KIF13A: variants seen among roughly 807,000 people sequenced by gnomAD.
KIF13A encodes kinesin family member 13A, also known as kinesin-like protein KIF13A.
Under a neutral mutation model 212.2 loss-of-function variants are expected in KIF13A, and 79 were observed. The ratio of observed to expected loss-of-function variants is 0.37; its 90% CI spans 0.31 to 0.45. The LOEUF is 0.45. Among genes scored for constraint, KIF13A ranks in the 20% least tolerant of loss-of-function variants. KIF13A has a pLI of 1.00. For missense variants in KIF13A, 1,901 were observed against 2,209.0 expected, an observed-to-expected ratio of 0.86 and a Z score of 2.79; for synonymous variants, 789 against 808.6, an observed-to-expected ratio of 0.98 and a Z score of 0.41.
intron 2 of KIF13A, among the ~76,000 whole-genome samples, chr6:17,976,242 C>G (rs959712304): frequency 6.6e-6 from 1 of 152,216 alleles, no homozygotes; most frequent in African/African-American, 2.4e-5. Context: ...AAGGGGCCGG[C>G]GCTCGTCAGG....
chr6:17,985,653 C>G (rs1471718956), intron 2 of KIF13A, among the ~76,000 whole-genome samples: 1 of 131,324 alleles, frequency 7.6e-6, no homozygotes, highest in Non-Finnish European at 1.6e-5. Flanking sequence ...GGGGAGGGGA[C>G]ATTCGTTGGT....
rs1763197203 is a variant in KIF13A, at chr6:17,808,832, C to T, written c.2099G>A (p.Ser700Asn). Residue 700 changes from serine (S) to asparagine (N), a missense_variant, in exon 18 of 39, where the codon AGC (serine) becomes AAC (asparagine). Physicochemically the swap from Ser to Asn is conservative, Grantham distance 46. Around this residue, in one of 5 missense-constraint regions of KIF13A, gnomAD observed 534 missense variants for 536.9 expected, o/e 0.99. Coordinates refer to ENST00000259711, the MANE Select transcript of KIF13A (RefSeq NM_022113.6). ...REANFLAEEM[S>N]KLTDYQVTLQ... Reference sequence around the variant, plus strand: ...AGTCACTTGGTAATCGGTGAGTTTGCTCATTTCCTCAGCCAGGAAGTTTGC... The same window carrying T: ...AGTCACTTGGTAATCGGTGAGTTTGTTCATTTCCTCAGCCAGGAAGTTTGC... The T allele has an allele frequency of 5.0e-6, 8 of 1,613,862 alleles. No homozygotes were observed. The highest frequency in any genetic ancestry group is 6.8e-6 in the Non-Finnish European group (8 of 1,179,848).
chr6:17,785,633 C>T lies in KIF13A; in HGVS notation c.3370G>A (p.Glu1124Lys), dbSNP rs1309161633. 1.9e-6 allele frequency: 3 copies of T among 1,603,802 alleles called. No homozygotes were observed. Among genetic ancestry groups the T allele is most frequent in the Non-Finnish European group, 2.6e-6 (3 of 1,175,350 alleles). ...KKVSNKTEKTEDDVEREAQLV... is the reference protein window; with the variant it reads ...KKVSNKTEKTKDDVEREAQLV... ...TGGGCTTCCCGCTCCACATCGTCCT[C>T]TGTTTTCTCTGCAGAAAAAAATGAG... Residue 1124 changes from glutamate (E) to lysine (K), a missense_variant, in exon 28 of 39, where the codon GAG becomes AAG. By Grantham distance (56) the Glu-to-Lys change is moderately conservative. This residue lies in a region of KIF13A where 168 missense variants were observed against 250.9 expected (regional missense o/e 0.67). Transcript: ENST00000259711. The surrounding 1 kb of genome is among the most constrained non-coding windows in gnomAD (Gnocchi z 5.8).
At chr6:17,901,033 G>A (rs566022768) in intron 2 of KIF13A, among the ~76,000 whole-genome samples, 22 of 144,780 alleles carry the variant, frequency 1.5e-4, no homozygotes, top group Non-Finnish European at 2.8e-4. Flanking sequence ...AGCCAAGATC[G>A]TGCCACTGCA....
At chr6:17,887,279 C>T (rs1361112526) in intron 3 of KIF13A, among the ~76,000 whole-genome samples, 6 of 152,150 alleles carry the variant, frequency 3.9e-5, no homozygotes, top group African/African-American at 1.4e-4. Flanking sequence ...CACAGGGAAC[C>T]TCGGCTGACA....
intron 2 of KIF13A, chr6:17,950,793 A>G: frequency 1.0e-6 from 1 of 978,350 alleles, no homozygotes. Context: ...CTAATTACTA[A>G]AGGACTTTTA....
At chr6:17,760,801 G>A (rs1158284391), downstream of KIF13A, 8 of 1,584,766 alleles carry the variant, frequency 5.0e-6, no homozygotes, top group Non-Finnish European at 6.9e-6. Flanking sequence ...CTTGCCCAAG[G>A]TGACCAGGCG....
At position 17,769,880 on chromosome 6, in the gene KIF13A, C is replaced by T. The variant is rs41384449; in HGVS notation, c.4581+1234G>A. The stretch of plus-strand genomic sequence containing the variant: ...AGATGAAGGAGCAGCTATTAATGTG[C>T]GGATTCTTCTCCATCAGGAACTAGG... On this transcript the variant is annotated intron_variant, in intron 38 of 38. Coordinates refer to ENST00000259711, the MANE Select transcript of KIF13A (RefSeq NM_022113.6). The surrounding 1 kb of genome is among the most constrained non-coding windows in gnomAD (Gnocchi z 5.8). 0.056 allele frequency among the ~76,000 whole-genome samples: 8,519 copies of T among 152,054 alleles called. 309 individuals are homozygous for T. The highest frequency in any genetic ancestry group is 0.089 in the Middle Eastern group (26 of 292).
At chr6:17,903,188 AAC>A (rs1018396766) in intron 2 of KIF13A, among the ~76,000 whole-genome samples, 49 of 152,226 alleles carry the variant, frequency 3.2e-4, no homozygotes, top group African/African-American at 1.1e-3. Context: ...AATGCTGCTG[AAC>A]ACAGTTAAAT....
At chr6:17,808,694 G>A in intron 18 of KIF13A, 74 bp downstream of exon 18, 1 of 1,406,142 alleles carries the variant, frequency 7.1e-7, no homozygotes, top group Non-Finnish European at 9.6e-7. Flanking sequence ...TGTTTCTGGG[G>A]TTTCAGTTTT....
intron 2 of KIF13A, among the ~76,000 whole-genome samples, chr6:17,964,287 C>T (rs1258528865): frequency 6.6e-6 from 1 of 152,104 alleles, no homozygotes; most frequent in African/African-American, 2.4e-5. Flanking sequence ...AAACAAACAC[C>T]CTTGAAAAAT....
In KIF13A at chr6:17,883,080, C is replaced by T. The variant is rs1771226717; in HGVS notation, c.160-9643G>A. On this transcript the variant is annotated intron_variant, in intron 3 of 38. Transcript: ENST00000259711. This position sits in a 1 kb window ranked among gnomAD's most constrained non-coding sequence, Gnocchi z 4.8. The stretch of plus-strand genomic sequence containing the variant: ...AATTTACATTTTAAAGCAACTTTTG[C>T]TGGGTATGGTGGCTCATGCCTATAA... 6.6e-6 allele frequency among the ~76,000 whole-genome samples: 1 copy of T among 152,168 alleles called. No individual in the cohort carries two copies. Among genetic ancestry groups the T allele is most frequent in the Non-Finnish European group, 1.5e-5 (1 of 68,032 alleles).
intron 2 of KIF13A, among the ~76,000 whole-genome samples, chr6:17,927,886 G>C (rs1263200910): frequency 6.6e-6 from 1 of 152,156 alleles, no homozygotes; most frequent in Non-Finnish European, 1.5e-5. Flanking sequence ...TGCAGCACCA[G>C]AGCAGCACCC....
intron 2 of KIF13A, among the ~76,000 whole-genome samples, chr6:17,920,291 C>T (rs1442160253): frequency 6.6e-6 from 1 of 152,170 alleles, no homozygotes; most frequent in Non-Finnish European, 1.5e-5. Flanking sequence ...GCATCTTCAC[C>T]TTCACTTCTC....
In KIF13A at chr6:17,799,893, TAAAATGG is replaced by T; in HGVS notation, c.2616+52_2616+58del. ...TGAAAAACTCTCATAAGATTTTTTG[TAAAATGG>T]TTTTGCATGAAAAAGGTCATTTATA... On this transcript the variant is annotated intron_variant, in intron 21 of 38. Transcript: ENST00000259711. The surrounding 1 kb of genome is among the most constrained non-coding windows in gnomAD (Gnocchi z 4.4). 6.4e-7 allele frequency: 1 copy of T among 1,557,694 alleles called. No homozygotes were observed. Among genetic ancestry groups the T allele is most frequent in the Admixed American group, 1.9e-5 (1 of 51,798 alleles).
intron 2 of KIF13A, among the ~76,000 whole-genome samples, chr6:17,969,712 T>TGGCATC (rs1247793662): frequency 6.6e-6 from 1 of 152,222 alleles, no homozygotes; most frequent in African/African-American, 2.4e-5. Flanking sequence ...TCTGGTTCTC[T>TGGCATC]GGCATCCCTT....
downstream of KIF13A, chr6:17,759,433 A>T (rs1359248858): frequency 3.9e-5 from 6 of 152,194 alleles, no homozygotes; most frequent in Non-Finnish European, 8.8e-5. Flanking sequence ...GCAGCTTTTC[A>T]TTAAGGTTTC....
rs1761885210 is a variant in KIF13A at position 17,794,728 on chromosome 6, C to T, written c.2943-24G>A. On this transcript the variant is annotated intron_variant, in intron 23 of 38. Coordinates refer to ENST00000259711, the MANE Select transcript of KIF13A (RefSeq NM_022113.6). This position sits in a 1 kb window ranked among gnomAD's most constrained non-coding sequence, Gnocchi z 4.1. ...ACCTGCAGAAACACATTCCAACAAGCAAGAGCGTCATCGTCCAGGGATACT... is the reference window on the plus strand; with the variant it reads ...ACCTGCAGAAACACATTCCAACAAGTAAGAGCGTCATCGTCCAGGGATACT... The T allele has an allele frequency of 6.3e-7, 1 of 1,598,548 alleles. No homozygotes were observed. Among genetic ancestry groups the T allele is most frequent in the South Asian group, 1.1e-5 (1 of 87,980 alleles).
intron 4 of KIF13A, among the ~76,000 whole-genome samples, chr6:17,865,889 A>T (rs1257534957): frequency 6.6e-6 from 1 of 152,218 alleles, no homozygotes; most frequent in Admixed American, 6.5e-5. Context: ...CGGCTGACTC[A>T]TCCAGATGGA....
Sources: allele counts gnomAD v4.1 joint callset (sites outside exome capture counted in the v4.1 genomes callset), GRCh38; gene constraint gnomAD v4.1.1; regional missense constraint gnomAD v4.1.1; non-coding constraint Gnocchi (gnomAD v3.1); transcripts MANE v1.5; gene names NCBI Gene and HGNC (gene_info 2026-07-23, HGNC 2026-07-21).